Variants in DISC1 observed in about 807,000 individuals in gnomAD.
The protein encoded by DISC1 is disrupted in schizophrenia 1 protein.
Under a neutral mutation model 84.5 loss-of-function variants are expected in DISC1, and 57 were observed. The observed-to-expected ratio is 0.67, with a 90% CI of 0.55 to 0.84. DISC1 has a LOEUF of 0.84. DISC1 is among the 40% of genes least tolerant of loss of function. The pLI is 0.00. For missense variants in DISC1, 1,000 were observed against 1,057.8 expected (o/e 0.95, Z 0.76); for synonymous variants, 411 against 415.2 (o/e 0.99, Z 0.12).
Position 231,789,283 on chromosome 1 carries a change from C to A in DISC1, c.1635-5959C>A, listed in dbSNP as rs144245703. Among the ~76,000 whole-genome samples the A allele has an allele frequency of 7.2e-5, 11 of 152,222 alleles. No individual in the cohort carries two copies. The East Asian group carries it at 2.1e-3, about 29-fold the overall frequency. ...GCAGTGGACCCTGCACCAGCCACAGCAGATTTGAGGAGCTGTCAGGAGGCC... is the reference window on the plus strand; with the variant it reads ...GCAGTGGACCCTGCACCAGCCACAGAAGATTTGAGGAGCTGTCAGGAGGCC... On this transcript the variant is annotated intron_variant, in intron 6 of 12. Coordinates refer to ENST00000439617, the MANE Select transcript of DISC1 (RefSeq NM_018662.3).
At chr1:231,655,245 C>T (rs2060957927) in intron 1 of DISC1, among the ~76,000 whole-genome samples, 1 of 152,138 alleles carries the variant, frequency 6.6e-6, no homozygotes, top group African/African-American at 2.4e-5. Flanking sequence ...AAAGTCGCCC[C>T]TCCCACACTC....
chr1:231,738,985 T>G (rs1294738803), intron 3 of DISC1, among the ~76,000 whole-genome samples: 1 of 152,306 alleles, frequency 6.6e-6, no homozygotes, highest in East Asian at 1.9e-4. Flanking sequence ...GCCTCAGCCC[T>G]GGCCTCAGCC....
chr1:231,853,624 G>T (rs2084055957), intron 9 of DISC1, among the ~76,000 whole-genome samples: 1 of 152,204 alleles, frequency 6.6e-6, no homozygotes, highest in South Asian at 2.1e-4. Flanking sequence ...GAACTGAGAG[G>T]GTGGAATGGG....
intron 10 of DISC1, among the ~76,000 whole-genome samples, chr1:232,006,045 T>C (rs757125387): frequency 2.4e-4 from 36 of 152,240 alleles, no homozygotes; most frequent in Non-Finnish European, 3.5e-4. Flanking sequence ...CAGGGATATG[T>C]ACTCCCAACT....
At chr1:231,867,402 A>G (rs1394174527) in intron 9 of DISC1, among the ~76,000 whole-genome samples, 1 of 152,214 alleles carries the variant, frequency 6.6e-6, no homozygotes, top group Non-Finnish European at 1.5e-5. Context: ...GGTTTCCCGT[A>G]GCTAGACCCT....
At chr1:231,821,358 A>C (rs957297224) in intron 9 of DISC1, among the ~76,000 whole-genome samples, 14 of 152,198 alleles carry the variant, frequency 9.2e-5, no homozygotes, top group African/African-American at 3.4e-4. Flanking sequence ...TAATAGAACA[A>C]TACGGTGATA....
At position 231,800,091 on chromosome 1, in the gene DISC1, C is replaced by A. The variant is rs373632399; in HGVS notation, c.1690-17C>A. On this transcript the variant is annotated splice_polypyrimidine_tract_variant and intron_variant, in intron 7 of 12. Transcript: ENST00000439617. ...AGCTGAATAAATGATGATTCCTGGTCATTTCTCTCCCCCTAGGTGTGTATG... is the reference window on the plus strand; with the variant it reads ...AGCTGAATAAATGATGATTCCTGGTAATTTCTCTCCCCCTAGGTGTGTATG... 6 of 1,583,258 alleles carry A rather than the reference C, an allele frequency of 3.8e-6. No individual in the cohort carries two copies. Among genetic ancestry groups the A allele is most frequent in the South Asian group, 2.2e-5 (2 of 90,400 alleles).
chr1:231,926,450 C>G (rs1437484095), intron 9 of DISC1, among the ~76,000 whole-genome samples: 1 of 152,144 alleles, frequency 6.6e-6, no homozygotes. Flanking sequence ...AAGGCTCTTC[C>G]CAGAAGCCTG....
chr1:231,713,045 G>A (rs1375461691), intron 3 of DISC1, among the ~76,000 whole-genome samples: 1 of 152,148 alleles, frequency 6.6e-6, no homozygotes, highest in African/African-American at 2.4e-5. Flanking sequence ...TAAGTGTAAG[G>A]TTGGGTAAGT....
chr1:231,754,976 A>G (rs1199496123), intron 4 of DISC1, among the ~76,000 whole-genome samples: 1 of 152,188 alleles, frequency 6.6e-6, no homozygotes, highest in Non-Finnish European at 1.5e-5. Flanking sequence ...TTCTGTCTCT[A>G]TCACTCCTCA....
At chr1:231,705,670 G>A (rs755826358) in intron 3 of DISC1, among the ~76,000 whole-genome samples, 3 of 152,164 alleles carry the variant, frequency 2.0e-5, no homozygotes, top group Admixed American at 6.5e-5. Context: ...AGACATAAAG[G>A]TAGTGAATTT....
At chr1:231,727,458 T>C (rs2487453) in intron 3 of DISC1, among the ~76,000 whole-genome samples, 92,247 of 151,826 alleles carry the variant, frequency 0.61, 28,566 homozygotes, top group South Asian at 0.71. Flanking sequence ...GGGGCAGGGA[T>C]GGACATTTTA....
At position 231,975,144 on chromosome 1, in the gene DISC1, CAAAG is replaced by C. The variant is rs969466536; in HGVS notation, c.2042+16260_2042+16263del. On this transcript the variant is annotated intron_variant, in intron 10 of 12. Transcript: ENST00000439617. ...TAACAACAACAACAACAACAAAAAA[CAAAG>C]AAATGTTTTAATATGAGAAAACATT... Among the ~76,000 whole-genome samples, 12 of 152,062 alleles carry C rather than the reference CAAAG, an allele frequency of 7.9e-5. No homozygotes were observed. In the South Asian group the frequency reaches 8.3e-4, roughly 11 times the overall value.
At chr1:231,946,842 A>T (rs1239903824) in intron 9 of DISC1, among the ~76,000 whole-genome samples, 1 of 152,236 alleles carries the variant, frequency 6.6e-6, no homozygotes, top group Non-Finnish European at 1.5e-5. Context: ...ATCCTGAATG[A>T]ACTCCCTTTC....
intron 9 of DISC1, among the ~76,000 whole-genome samples, chr1:231,923,488 G>T (rs2090141235): frequency 6.6e-6 from 1 of 152,004 alleles, no homozygotes; most frequent in Non-Finnish European, 1.5e-5. Context: ...TCAAAAACTG[G>T]CCTTCTCTTT....
At position 231,749,897 on chromosome 1, in the gene DISC1, T is replaced by A. The variant is rs745397708; in HGVS notation, c.1118-29T>A. 8.7e-6 allele frequency: 14 copies of A among 1,614,098 alleles called. No homozygotes were observed. In the South Asian group the frequency reaches 1.5e-4, roughly 18 times the overall value. ...TATTTTGCATTTCATGGTTCTTTTT[T>A]CCTCTCTCTCATCATTTTGGGTTTC... is the stretch of plus-strand genomic sequence containing the variant. On this transcript the variant is annotated intron_variant, in intron 3 of 12. Transcript: ENST00000439617.
intron 4 of DISC1, among the ~76,000 whole-genome samples, chr1:231,756,541 G>C: frequency 7.0e-6 from 1 of 142,930 alleles, no homozygotes; most frequent in East Asian, 1.9e-4. Flanking sequence ...GAGAGAGAGA[G>C]AGAGAGAGAG....
chr1:231,910,017 G>A (rs1038971132), intron 9 of DISC1, among the ~76,000 whole-genome samples: 3 of 152,108 alleles, frequency 2.0e-5, no homozygotes, highest in African/African-American at 7.2e-5. Context: ...GGGATCGGTG[G>A]TGATATCCCC....
At chr1:231,650,615 C>A (rs1370277507) in intron 1 of DISC1, among the ~76,000 whole-genome samples, 1 of 152,140 alleles carries the variant, frequency 6.6e-6, no homozygotes, top group African/African-American at 2.4e-5. Flanking sequence ...GCCTGCCTTG[C>A]TAGGTTGGGG....
Sources: gnomAD v4.1 joint callset for allele counts (sites outside exome capture counted in the v4.1 genomes callset) on GRCh38, gnomAD v4.1.1 for gene constraint, MANE v1.5 for transcripts, NCBI Gene and HGNC (gene_info 2026-07-23, HGNC 2026-07-21) for gene names.